The following EIF4E3 variants were observed in gnomAD, a reference collection of about 807,000 sequenced individuals.
EIF4E3 encodes eukaryotic translation initiation factor 4E family member 3.
Under a neutral mutation model 31.7 loss-of-function variants are expected in EIF4E3, and 26 were observed. The ratio of observed to expected loss-of-function variants is 0.82; its 90% confidence interval spans 0.60 to 1.14. EIF4E3 has a LOEUF of 1.14. EIF4E3 is among the 50% of genes most tolerant of loss of function. EIF4E3 has a pLI of 0.00. For synonymous variants in EIF4E3, 128 were observed against 107.7 expected, an observed-to-expected ratio of 1.19 and a Z score of -1.17; for missense variants, 304 against 270.9, an observed-to-expected ratio of 1.12 and a Z score of -0.86.
At chr3:71,730,387 A>C (rs1279726463), upstream of EIF4E3, among the ~76,000 whole-genome samples, 1 of 152,232 alleles carries the variant, frequency 6.6e-6, no homozygotes, top group Admixed American at 6.5e-5. Flanking sequence ...TGTATAAGAA[A>C]ACATTGTCTA....
chr3:71,687,883 T>C (rs1034276411), intron 6 of EIF4E3, among the ~76,000 whole-genome samples: 1 of 152,244 alleles, frequency 6.6e-6, no homozygotes, highest in Non-Finnish European at 1.5e-5. Context: ...TGGCCATTTC[T>C]AACTTAGCTT....
chr3:71,687,229 T>C (rs1332457502), intron 6 of EIF4E3, among the ~76,000 whole-genome samples: 1 of 152,192 alleles, frequency 6.6e-6, no homozygotes, highest in Non-Finnish European at 1.5e-5. Context: ...CTTTAACTCC[T>C]GACCTCAGAT....
chr3:71,732,849 CGG>C (rs2108138068), intron 1 of EIF4E3, among the ~76,000 whole-genome samples: 1 of 152,348 alleles, frequency 6.6e-6, no homozygotes, highest in African/African-American at 2.4e-5. Context: ...TGGGACAAAT[CGG>C]TGAACCTCTG....
chr3:71,747,510 G>A (rs888608317), intron 1 of EIF4E3, among the ~76,000 whole-genome samples: 51 of 152,072 alleles, frequency 3.4e-4, no homozygotes, highest in African/African-American at 1.2e-3. Context: ...ATATACTCTG[G>A]ATACAAGTCC....
At chr3:71,689,708 A>G in intron 6 of EIF4E3, among the ~76,000 whole-genome samples, 1 of 152,266 alleles carries the variant, frequency 6.6e-6, no homozygotes, top group East Asian at 1.9e-4. Context: ...AATAGAATGT[A>G]ATTTTTTTTC....
At chr3:71,716,282 G>A (rs985724160) in intron 1 of EIF4E3, among the ~76,000 whole-genome samples, 1 of 152,068 alleles carries the variant, frequency 6.6e-6, no homozygotes, top group African/African-American at 2.4e-5. Flanking sequence ...GCCCAAGCTG[G>A]AGCGCAGTGG....
At chr3:71,691,905 C>T (rs574948703) in intron 5 of EIF4E3, among the ~76,000 whole-genome samples, 5 of 152,224 alleles carry the variant, frequency 3.3e-5, no homozygotes, top group African/African-American at 1.2e-4. Context: ...TGCAGTTTAC[C>T]ACTTTCAAGA....
intron 3 of EIF4E3, among the ~76,000 whole-genome samples, chr3:71,696,804 C>T (rs913936674): frequency 3.3e-5 from 5 of 150,880 alleles, no homozygotes; most frequent in East Asian, 3.9e-4. Flanking sequence ...CAAGCTCTGC[C>T]TCCCGGGTTC....
chr3:71,690,169 AG>A lies in EIF4E3; in HGVS notation c.473-5del, dbSNP rs1228767199. 6.3e-7 allele frequency: 1 copy of A among 1,594,196 alleles called. No homozygotes were observed. The highest frequency in any genetic ancestry group is 1.8e-5 in the Admixed American group (1 of 55,830). On this transcript the variant is annotated splice_region_variant and splice_polypyrimidine_tract_variant and intron_variant, in intron 5 of 6. Coordinates refer to ENST00000425534, the MANE Select transcript of EIF4E3 (RefSeq NM_001134651.2). ...CTAACTCCTATTACTTCATCATCTG[AG>A]GGGAAGACAGGAAAAAAAAAAAATG... is the stretch of plus-strand genomic sequence containing the variant.
At chr3:71,660,314 G>A in the EIF4E3 span, among the ~76,000 whole-genome samples, 1 of 151,714 alleles carries the variant, frequency 6.6e-6, no homozygotes, top group Non-Finnish European at 1.5e-5. Flanking sequence ...GACCATCTGT[G>A]TATAAAAAGT....
At chr3:71,665,061 T>C in the EIF4E3 span, among the ~76,000 whole-genome samples, 1 of 152,220 alleles carries the variant, frequency 6.6e-6, no homozygotes, top group Non-Finnish European at 1.5e-5. Context: ...AGCTGGTTTC[T>C]CTCACCTGCA....
At chr3:71,694,279 C>T (rs1375284153) in intron 4 of EIF4E3, among the ~76,000 whole-genome samples, 1 of 152,196 alleles carries the variant, frequency 6.6e-6, no homozygotes, top group Admixed American at 6.5e-5. Flanking sequence ...CTCACTGATT[C>T]AAAACATAGA....
Position 71,680,720 on chromosome 3 carries a change from T to C in EIF4E3, c.*3962A>G, listed in dbSNP as rs2107996614. 1 of 152,354 alleles carries C rather than the reference T, an allele frequency of 6.6e-6. No individual in the cohort carries two copies. Among genetic ancestry groups the C allele is most frequent in the South Asian group, 2.1e-4 (1 of 4,832 alleles). 9.4% of individuals were successfully genotyped at this position (152,354 alleles called of 1,614,324 possible). Reference sequence around the variant, plus strand: ...AGGTTCAAAGGGACTTTTCGTTGCCTCTCAGTCCCTATTTTTTCCCACTTC... The same window carrying C: ...AGGTTCAAAGGGACTTTTCGTTGCCCCTCAGTCCCTATTTTTTCCCACTTC... On this transcript the variant is annotated 3_prime_UTR_variant, in exon 7 of 7. Transcript: ENST00000425534.
rs1219416921 is a variant in EIF4E3 at position 71,696,490 on chromosome 3, T to C, written c.375A>G (p.Val125=). ...TGTCCTTGGGGACTTTCATCTTCCATACGCCACCCTTTGCATTACTCTCCT... is the reference window on the plus strand; with the variant it reads ...TGTCCTTGGGGACTTTCATCTTCCACACGCCACCCTTTGCATTACTCTCCT... ...WEEESNAKGG[V]WKMKVPKDST... The change falls in exon 4 of 7, where the codon GTA becomes GTG. Residue 125 remains valine (V), a synonymous_variant. Coordinates refer to ENST00000425534, the MANE Select transcript of EIF4E3 (RefSeq NM_001134651.2). 2 of 1,614,036 alleles carry C rather than the reference T, an allele frequency of 1.2e-6. No homozygotes were observed. The highest frequency in any genetic ancestry group is 2.7e-5 in the African/African-American group (2 of 74,914).
At chr3:71,735,130 G>A (rs908948040) in intron 1 of EIF4E3, among the ~76,000 whole-genome samples, 9 of 152,164 alleles carry the variant, frequency 5.9e-5, no homozygotes, top group Non-Finnish European at 1.0e-4. Flanking sequence ...GAGGAATGAC[G>A]TTCCCCATCT....
intron 1 of EIF4E3, among the ~76,000 whole-genome samples, chr3:71,723,626 G>T (rs2049584253): frequency 2.0e-5 from 3 of 152,148 alleles, no homozygotes; most frequent in Non-Finnish European, 4.4e-5. Context: ...TGTTTAAAAA[G>T]AAACTCTCTT....
intron 1 of EIF4E3, among the ~76,000 whole-genome samples, chr3:71,721,805 C>A (rs2049554062): frequency 6.6e-6 from 1 of 152,036 alleles, no homozygotes; most frequent in Non-Finnish European, 1.5e-5. Flanking sequence ...TTCTTCGTAG[C>A]AGTGTGAGAA....
upstream of EIF4E3, chr3:71,753,754 G>C (rs1435050912): frequency 1.3e-5 from 2 of 153,786 alleles, no homozygotes; most frequent in Admixed American, 1.3e-4. Context: ...GGAGGAGACG[G>C]AGGAGGATGC....
At chr3:71,713,945 TCA>T (rs1476252641) in intron 1 of EIF4E3, among the ~76,000 whole-genome samples, 4 of 152,062 alleles carry the variant, frequency 2.6e-5, no homozygotes, top group Non-Finnish European at 4.4e-5. Context: ...GCACAGTGGT[TCA>T]CACCTGTAAT....
Sources: gnomAD v4.1 joint callset for allele counts (sites outside exome capture counted in the v4.1 genomes callset) on GRCh38, gnomAD v4.1.1 for gene constraint, MANE v1.5 for transcripts, NCBI Gene and HGNC (gene_info 2026-07-23, HGNC 2026-07-21) for gene names.